The following CLYBL variants were observed in gnomAD, a reference collection of about 807,000 sequenced individuals.
CLYBL encodes the protein citramalyl-CoA lyase, mitochondrial.
Under a neutral mutation model 38.9 loss-of-function variants are expected in CLYBL, and 31 were observed. The observed-to-expected ratio is 0.80, with a 90% CI of 0.60 to 1.08. The LOEUF is 1.08. Ranked by LOEUF, CLYBL falls within the 50% of genes least tolerant of loss-of-function variation. The pLI is 0.00. For missense variants in CLYBL, 434 were observed against 411.6 expected, an observed-to-expected ratio of 1.05 and a Z score of -0.47; for synonymous variants, 171 against 158.6, an observed-to-expected ratio of 1.08 and a Z score of -0.59.
chr13:99,889,951 G>A (rs1054842577), intron 7 of CLYBL, among the ~76,000 whole-genome samples: 2 of 152,130 alleles, frequency 1.3e-5, no homozygotes, highest in Admixed American at 6.5e-5. Context: ...CCCAGATCTC[G>A]AAGGACCCCT....
intron 1 of CLYBL, among the ~76,000 whole-genome samples, chr13:99,677,305 G>A (rs781643964): frequency 6.6e-6 from 1 of 151,966 alleles, no homozygotes; most frequent in Non-Finnish European, 1.5e-5. Flanking sequence ...TGCCAGAAAC[G>A]GCAGCCAAAT....
Position 99,672,088 on chromosome 13 carries a change from A to G in CLYBL, c.62+65331A>G, listed in dbSNP as rs371255694. 4.6e-5 allele frequency among the ~76,000 whole-genome samples: 7 copies of G among 152,154 alleles called. No individual in the cohort carries two copies. In the East Asian group the frequency reaches 1.4e-3, roughly 29 times the overall value. The stretch of plus-strand genomic sequence containing the variant: ...ATACAGTTCCTTTATACAGAGCTGT[A>G]TTGTTATTAGCTGTCGTCCCTCTTG... On this transcript the variant is annotated intron_variant, in intron 1 of 8. Coordinates refer to ENST00000339105, the MANE Select transcript of CLYBL (RefSeq NM_206808.5).
At chr13:99,878,648 CAATA>C (rs1473114579) in intron 7 of CLYBL, among the ~76,000 whole-genome samples, 1 of 152,160 alleles carries the variant, frequency 6.6e-6, no homozygotes, top group African/African-American at 2.4e-5. Flanking sequence ...AATCGTACCT[CAATA>C]AAGCCACTTT....
intron 1 of CLYBL, among the ~76,000 whole-genome samples, chr13:99,620,042 G>T (rs1230056986): frequency 2.0e-5 from 3 of 152,132 alleles, no homozygotes; most frequent in Non-Finnish European, 2.9e-5. Context: ...TCCTCAGAAG[G>T]GGCGGCACCC....
chr13:99,832,999 C>CATATATATATATATATATATATAT lies in CLYBL; in HGVS notation c.250-25859_250-25858insTATATATATATATATATATATATA, dbSNP rs1489506843. The stretch of plus-strand genomic sequence containing the variant: ...CATTTCATTAAGTAGTATATACATA[C>CATATATATATATATATATATATAT]ATACATACATATATATATATATATA... On this transcript the variant is annotated intron_variant, in intron 2 of 8. Coordinates refer to ENST00000339105, the MANE Select transcript of CLYBL (RefSeq NM_206808.5). Among the ~76,000 whole-genome samples the CATATATATATATATATATATATAT allele has an allele frequency of 9.3e-5, 5 of 53,708 alleles. 1 individual carries two copies. The highest frequency in any genetic ancestry group is 7.8e-4 in the East Asian group (1 of 1,286). The allele number at this position is 53,708 out of a possible 152,430, so 35.2% of individuals were successfully genotyped here.
chr13:99,870,896 G>GTTCGTTGT, intron 6 of CLYBL, 42 bp from the exon 7 acceptor site: 1 of 1,561,786 alleles, frequency 6.4e-7, no homozygotes, highest in South Asian at 1.2e-5. Context: ...TTGAACATCT[G>GTTCGTTGT]TTCGTTGTTT....
intron 2 of CLYBL, among the ~76,000 whole-genome samples, chr13:99,843,301 T>G (rs987469519): frequency 1.9e-4 from 29 of 152,234 alleles, no homozygotes; most frequent in African/African-American, 6.5e-4. Context: ...TTATCATCTT[T>G]CGGGAATCAG....
Position 99,627,512 on chromosome 13 carries a change from C to T in CLYBL, c.62+20755C>T, listed in dbSNP as rs562599036. Among the ~76,000 whole-genome samples, 37 of 152,032 alleles carry T rather than the reference C, an allele frequency of 2.4e-4. No homozygotes were observed. The South Asian group carries it at 6.3e-3, about 26-fold the overall frequency. ...CTTAAAAAGGAAAATTTTCTGTGTG[C>T]GAGTTTTAAGTTCAGTTTTGTTGGG... On this transcript the variant is annotated intron_variant, in intron 1 of 8. Transcript: ENST00000339105.
Position 99,864,965 on chromosome 13 carries a change from G to A in CLYBL, c.634+54G>A, listed in dbSNP as rs1311148955. On this transcript the variant is annotated intron_variant, in intron 5 of 8. Coordinates refer to ENST00000339105, the MANE Select transcript of CLYBL (RefSeq NM_206808.5). ...TCTGTGTGTGTGTGTGTATATGTGT[G>A]TATATATTTTTTCTTTGCCCCTCAA... 3.2e-6 allele frequency: 4 copies of A among 1,262,066 alleles called. No homozygotes were observed. In the East Asian group the frequency reaches 9.4e-5, roughly 30 times the overall value. The allele number at this position is 1,262,066 out of a possible 1,614,324, so 78.2% of individuals were successfully genotyped here. A position where few individuals can be genotyped will look rare whatever the true frequency, so the allele number is the denominator to read the frequency against.
intron 2 of CLYBL, among the ~76,000 whole-genome samples, chr13:99,798,186 C>T (rs1308996690): frequency 6.6e-6 from 1 of 152,176 alleles, no homozygotes; most frequent in East Asian, 1.9e-4. Flanking sequence ...GGAGAAGAAA[C>T]GTCTCTGTTT....
At chr13:99,780,890 T>C (rs991183474) in intron 2 of CLYBL, among the ~76,000 whole-genome samples, 5 of 150,908 alleles carry the variant, frequency 3.3e-5, no homozygotes, top group Admixed American at 6.6e-5. Flanking sequence ...ATTTTTGTAT[T>C]ATTAGTAGAG....
rs1566297319 is a variant in CLYBL, at chr13:99,710,880, C to CTTTTTTTTTTTTTTTTTTTTT, written c.63-61944_63-61943insTTTTTTTTTTTTTTTTTTTTT. 1.5e-5 allele frequency among the ~76,000 whole-genome samples: 2 copies of CTTTTTTTTTTTTTTTTTTTTT among 134,880 alleles called. 1 individual carries two copies. The highest frequency in any genetic ancestry group is 5.7e-5 in the African/African-American group (2 of 35,226). The allele number at this position is 134,880 out of a possible 152,430, so 88.5% of individuals were successfully genotyped here. A position where few individuals can be genotyped will look rare whatever the true frequency, so the allele number is the denominator to read the frequency against. Reference sequence around the variant, plus strand: ...TCCTGGCTTCTCTTAGTTTCTAACCCCTTTTTTTTTTTTTTTTTTTTTTTG... The same window carrying CTTTTTTTTTTTTTTTTTTTTT: ...TCCTGGCTTCTCTTAGTTTCTAACCCTTTTTTTTTTTTTTTTTTTTTCTTTTTTTTTTTTTTTTTTTTTTTG... On this transcript the variant is annotated intron_variant, in intron 1 of 8. Coordinates refer to ENST00000339105, the MANE Select transcript of CLYBL (RefSeq NM_206808.5).
intron 1 of CLYBL, among the ~76,000 whole-genome samples, chr13:99,659,200 C>T (rs1272915475): frequency 6.6e-6 from 1 of 150,578 alleles, no homozygotes; most frequent in African/African-American, 2.5e-5. Flanking sequence ...ATCCTCTAAG[C>T]TATGTGTGTG....
intron 2 of CLYBL, among the ~76,000 whole-genome samples, chr13:99,840,773 AAAAAAAAG>A (rs1317490453): frequency 2.7e-5 from 4 of 147,164 alleles, no homozygotes; most frequent in Non-Finnish European, 4.4e-5. Flanking sequence ...AAAAAAAAAA[AAAAAAAAG>A]GGTTACATAT....
chr13:99,903,292 T>TTAAAGTTCC (rs1213817360), intron 8 of CLYBL, among the ~76,000 whole-genome samples: 2 of 152,156 alleles, frequency 1.3e-5, no homozygotes, highest in Admixed American at 6.5e-5. Flanking sequence ...CCATCTGTCT[T>TTAAAGTTCC]TAAAGTTCCT....
chr13:99,800,823 A>G (rs1450278140), intron 2 of CLYBL, among the ~76,000 whole-genome samples: 1 of 151,844 alleles, frequency 6.6e-6, no homozygotes, highest in African/African-American at 2.4e-5. Context: ...GCAGTGAGCC[A>G]AGATTGCACC....
At position 99,830,892 on chromosome 13, in the gene CLYBL, A is replaced by G. The variant is rs150737834; in HGVS notation, c.250-27969A>G. On this transcript the variant is annotated intron_variant, in intron 2 of 8. Coordinates refer to ENST00000339105, the MANE Select transcript of CLYBL (RefSeq NM_206808.5). ...TTATTTGGAAAAATGGTCTTTGCCG[A>G]TGAAGTTAAGGATCTCGAGAAAAGA... 5.0e-3 allele frequency among the ~76,000 whole-genome samples: 766 copies of G among 152,298 alleles called. 7 individuals carry two copies. The highest frequency in any genetic ancestry group is 0.018 in the African/African-American group (733 of 41,560).
At chr13:99,820,885 C>T (rs1751724655) in intron 2 of CLYBL, among the ~76,000 whole-genome samples, 1 of 152,128 alleles carries the variant, frequency 6.6e-6, no homozygotes, top group Non-Finnish European at 1.5e-5. Context: ...AAGAAGGATC[C>T]TTAGCATGTT....
At chr13:99,858,739 G>A in intron 2 of CLYBL, 122 bp from the exon 3 acceptor site, 2 of 652,542 alleles carry the variant, frequency 3.1e-6, no homozygotes, top group Non-Finnish European at 5.1e-6. Context: ...TGGTGGACAG[G>A]AAATGTGTAG....
Sources: allele counts gnomAD v4.1 joint callset (sites outside exome capture counted in the v4.1 genomes callset), GRCh38; gene constraint gnomAD v4.1.1; transcripts MANE v1.5; gene names NCBI Gene and HGNC (gene_info 2026-07-23, HGNC 2026-07-21).